KALRN: variants seen among roughly 807,000 people sequenced by gnomAD.
KALRN encodes the protein kalirin RhoGEF kinase, also known as kalirin.
Under a neutral mutation model 353.7 loss-of-function variants are expected in KALRN, and 70 were observed. The ratio of observed to expected loss-of-function variants is 0.20; its 90% CI spans 0.16 to 0.24. KALRN has a LOEUF of 0.24. Ranked by LOEUF, KALRN falls within the 10% of genes least tolerant of loss-of-function variation. The pLI is 1.00. For synonymous variants in KALRN, 1,391 were observed against 1,434.8 expected, an observed-to-expected ratio of 0.97 and a Z score of 0.69; for missense variants, 2,791 against 3,756.7, an observed-to-expected ratio of 0.74 and a Z score of 6.72.
intron 50 of KALRN, 165 bp downstream of exon 50, chr3:124,678,478 T>TTTATC (rs1440607495): frequency 3.1e-6 from 2 of 644,352 alleles, no homozygotes; most frequent in African/African-American, 3.7e-5. Flanking sequence ...CAATTTATTT[T>TTTATC]TTATCTTTTA....
chr3:124,613,134 G>A (rs1421915215), intron 34 of KALRN, among the ~76,000 whole-genome samples: 1 of 152,212 alleles, frequency 6.6e-6, no homozygotes, highest in Non-Finnish European at 1.5e-5. Context: ...AAGCAAGGCA[G>A]AGTAGCAATC....
At chr3:124,682,863 A>T (rs2061402821) in intron 51 of KALRN, among the ~76,000 whole-genome samples, 1 of 152,032 alleles carries the variant, frequency 6.6e-6, no homozygotes, top group Admixed American at 6.5e-5. Context: ...CTGCTTGTGA[A>T]TGTTTTCAAG....
intron 33 of KALRN, among the ~76,000 whole-genome samples, chr3:124,555,965 CTATT>C (rs1243811315): frequency 2.0e-5 from 3 of 152,150 alleles, no homozygotes; most frequent in South Asian, 2.1e-4. Context: ...AGAAACTACT[CTATT>C]TATCAAATAT....
chr3:124,107,069 G>T (rs542617995), intron 1 of KALRN, among the ~76,000 whole-genome samples: 2 of 152,292 alleles, frequency 1.3e-5, no homozygotes, highest in Admixed American at 6.5e-5. Context: ...AGAACCCAGA[G>T]GAGTATCTTC....
At position 124,677,579 on chromosome 3, in the gene KALRN, C is replaced by T. The variant is rs956119157; in HGVS notation, c.7194-611C>T. 27 of 456,564 alleles carry T rather than the reference C, an allele frequency of 5.9e-5. 1 individual carries two copies. The highest frequency in any genetic ancestry group is 3.5e-4 in the East Asian group (5 of 14,382). The allele number at this position is 456,564 out of a possible 1,614,324, so 28.3% of individuals were successfully genotyped here. On this transcript the variant is annotated intron_variant, in intron 49 of 59. Coordinates refer to ENST00000682506, the MANE Select transcript of KALRN (RefSeq NM_001388419.1). Reference sequence around the variant, plus strand: ...ACTGAGTGATATGGAGAATATAGACCGAGAAACTCTTTGCCCTAAAATATC... The same window carrying T: ...ACTGAGTGATATGGAGAATATAGACTGAGAAACTCTTTGCCCTAAAATATC...
At chr3:124,321,470 G>A (rs1046638379) in intron 6 of KALRN, among the ~76,000 whole-genome samples, 23 of 152,334 alleles carry the variant, frequency 1.5e-4, no homozygotes, top group Admixed American at 7.2e-4. Flanking sequence ...GCCGGTAGGC[G>A]TAAGCCAGGA....
chr3:124,503,637 C>T (rs918085177), intron 33 of KALRN, among the ~76,000 whole-genome samples: 2 of 152,150 alleles, frequency 1.3e-5, no homozygotes, highest in Non-Finnish European at 2.9e-5. Flanking sequence ...CAGCTCCCCA[C>T]CTCTGGCTGC....
At chr3:124,097,181 C>G (rs971579313) in intron 1 of KALRN, among the ~76,000 whole-genome samples, 1 of 152,176 alleles carries the variant, frequency 6.6e-6, no homozygotes, top group Admixed American at 6.5e-5. Context: ...CCTCTTGTAA[C>G]GAATGTTACC....
chr3:124,303,724 TAAC>T (rs2077447313), intron 6 of KALRN, among the ~76,000 whole-genome samples: 1 of 152,220 alleles, frequency 6.6e-6, no homozygotes, highest in Admixed American at 6.5e-5. Context: ...ACAGTAGTGA[TAAC>T]AATGTGCAGC....
chr3:124,464,717 C>A (rs1418459841), intron 25 of KALRN, among the ~76,000 whole-genome samples: 1 of 152,106 alleles, frequency 6.6e-6, no homozygotes, highest in Non-Finnish European at 1.5e-5. Context: ...TCCCTAACAA[C>A]CTCTTTACCT....
intron 47 of KALRN, among the ~76,000 whole-genome samples, chr3:124,669,646 C>T (rs2086131820): frequency 1.3e-5 from 2 of 152,252 alleles, no homozygotes; most frequent in South Asian, 4.1e-4. Flanking sequence ...TACTTCGTTC[C>T]AAGAGACCTT....
At chr3:124,273,514 A>G in intron 5 of KALRN, among the ~76,000 whole-genome samples, 1 of 152,234 alleles carries the variant, frequency 6.6e-6, no homozygotes, top group East Asian at 1.9e-4. Flanking sequence ...TATTTAACAT[A>G]TATGATCTGA....
At chr3:124,663,049 G>A (rs1365929516) in intron 45 of KALRN, among the ~76,000 whole-genome samples, 1 of 151,990 alleles carries the variant, frequency 6.6e-6, no homozygotes, top group Non-Finnish European at 1.5e-5. Context: ...GGGTTCAAGC[G>A]ATTCTCCTGC....
intron 1 of KALRN, among the ~76,000 whole-genome samples, chr3:124,072,712 G>A (rs1205947632): frequency 6.6e-6 from 1 of 152,236 alleles, no homozygotes; most frequent in Non-Finnish European, 1.5e-5. Context: ...GACTCCATCA[G>A]TGTGACCTGG....
rs1561055226 is a variant in KALRN at position 124,472,561 on chromosome 3, A to ATG, written c.4032-2092_4032-2091dup. Among the ~76,000 whole-genome samples, 246 of 133,444 alleles carry ATG rather than the reference A, an allele frequency of 1.8e-3. 2 individuals carry two copies. The highest frequency in any genetic ancestry group is 7.7e-3 in the African/African-American group (239 of 31,072). The allele number at this position is 133,444 out of a possible 152,430, so 87.5% of individuals were successfully genotyped here. ...AAATTGTTTTTAATTTTAAATTAAA[A>ATG]TGTGTGTGTGTATATGTGTGTGTGT... On this transcript the variant is annotated intron_variant, in intron 25 of 59. Coordinates refer to ENST00000682506, the MANE Select transcript of KALRN (RefSeq NM_001388419.1).
chr3:124,506,116 C>T (rs1329274354), intron 33 of KALRN, among the ~76,000 whole-genome samples: 3 of 152,182 alleles, frequency 2.0e-5, no homozygotes, highest in African/African-American at 7.2e-5. Flanking sequence ...ACAGTGAGGA[C>T]GTAATGTCCT....
chr3:124,565,810 C>A (rs1323129311), intron 34 of KALRN, among the ~76,000 whole-genome samples: 1 of 152,160 alleles, frequency 6.6e-6, no homozygotes, highest in African/African-American at 2.4e-5. Flanking sequence ...AGCCAGAGAG[C>A]AGTGTCAGAG....
At chr3:124,192,978 G>T (rs1433441756) in intron 1 of KALRN, among the ~76,000 whole-genome samples, 1 of 152,180 alleles carries the variant, frequency 6.6e-6, no homozygotes, top group African/African-American at 2.4e-5. Flanking sequence ...AATTACATAT[G>T]CATAAAACTT....
chr3:124,103,269 C>A (rs991813558), intron 1 of KALRN, among the ~76,000 whole-genome samples: 1 of 152,128 alleles, frequency 6.6e-6, no homozygotes, highest in South Asian at 2.1e-4. Context: ...TGTGAGGTCC[C>A]GGTGTGGTGT....
Sources: allele counts gnomAD v4.1 joint callset (sites outside exome capture counted in the v4.1 genomes callset), GRCh38; gene constraint gnomAD v4.1.1; transcripts MANE v1.5; gene names NCBI Gene and HGNC (gene_info 2026-07-23, HGNC 2026-07-21).